Variants in SYBU observed in about 807,000 individuals in gnomAD.
SYBU encodes the protein GOLSYN A protein.
In SYBU, 21 loss-of-function variants were observed where a neutral mutation model predicts 35.9. That is an observed-to-expected ratio of 0.58 (90% confidence interval 0.41 to 0.84). SYBU has a LOEUF of 0.84. Among genes scored for constraint, SYBU ranks in the 40% least tolerant of loss-of-function variants. SYBU has a pLI of 0.00. For missense variants in SYBU, 768 were observed against 848.2 expected (o/e 0.91, Z 1.17); for synonymous variants, 319 against 324.3 (o/e 0.98, Z 0.18).
intron 1 of SYBU, among the ~76,000 whole-genome samples, chr8:109,667,989 C>A (rs989254260): frequency 1.3e-5 from 2 of 151,978 alleles, no homozygotes; most frequent in Non-Finnish European, 2.9e-5. Context: ...TGAGAGCTGG[C>A]GTGACACCAC....
At position 109,576,846 on chromosome 8, in the gene SYBU, T is replaced by C. The variant is rs111475123; in HGVS notation, c.885-833A>G. Among the ~76,000 whole-genome samples, 1,133 of 152,342 alleles carry C rather than the reference T, an allele frequency of 7.4e-3. 4 individuals are homozygous for C. Among genetic ancestry groups the C allele is most frequent in the Middle Eastern group, 0.014 (4 of 294 alleles). On this transcript the variant is annotated intron_variant, in intron 6 of 6. Transcript: ENST00000276646. ...AGATAGGGTAGTCAGGATCCTCATATATATGAAGAGACATCAATATTGCTC... is the reference window on the plus strand; with the variant it reads ...AGATAGGGTAGTCAGGATCCTCATACATATGAAGAGACATCAATATTGCTC...
intron 1 of SYBU, among the ~76,000 whole-genome samples, chr8:109,658,774 T>G (rs1816451019): frequency 6.6e-6 from 1 of 152,026 alleles, no homozygotes; most frequent in African/African-American, 2.4e-5. Context: ...ACCAACAGGG[T>G]GAAACCCCAT....
intron 3 of SYBU, among the ~76,000 whole-genome samples, chr8:109,597,789 C>A (rs541774955): frequency 6.6e-6 from 1 of 152,294 alleles, no homozygotes; most frequent in Non-Finnish European, 1.5e-5. Context: ...GTAAAAATTT[C>A]TATCTTTTGA....
chr8:109,616,115 A>G (rs2844248), intron 3 of SYBU, among the ~76,000 whole-genome samples: 44,600 of 147,626 alleles, frequency 0.3, 7,555 homozygotes, highest in African/African-American at 0.45. Context: ...GGGTTCAAGC[A>G]ATTCTCCTGC....
rs960646957 is a variant in SYBU, at chr8:109,618,892, A to T, written c.377T>A (p.Ile126Asn). ...CTIGMVGEGSIQSSRYKKESK... is the reference protein window; with the variant it reads ...CTIGMVGEGSNQSSRYKKESK... Reference sequence around the variant, plus strand: ...TTCCTTCTTATATCGAGAGGACTGAATGCTTCCTTCACCAACCATTCCAAT... The same window carrying T: ...TTCCTTCTTATATCGAGAGGACTGATTGCTTCCTTCACCAACCATTCCAAT... The change falls in exon 3 of 7, where the codon ATT becomes AAT. Residue 126 changes from isoleucine (I) to asparagine (N), a missense_variant. Ile to Asn is a moderately radical substitution (Grantham distance 149, BLOSUM62 -3). Coordinates refer to ENST00000276646, the MANE Select transcript of SYBU (RefSeq NM_001099754.2). 1.7e-5 allele frequency: 27 copies of T among 1,614,066 alleles called. No individual in the cohort carries two copies. The highest frequency in any genetic ancestry group is 2.1e-5 in the Non-Finnish European group (25 of 1,180,034).
intron 3 of SYBU, among the ~76,000 whole-genome samples, chr8:109,596,503 C>G (rs1160627978): frequency 6.6e-6 from 1 of 152,206 alleles, no homozygotes; most frequent in African/African-American, 2.4e-5. Flanking sequence ...CTTGCGTTCA[C>G]TTTTACAAAG....
chr8:109,688,379 T>C (rs1817567145), intron 1 of SYBU, among the ~76,000 whole-genome samples: 1 of 152,214 alleles, frequency 6.6e-6, no homozygotes, highest in South Asian at 2.1e-4. Flanking sequence ...CAGAAGTGTG[T>C]ACACAGGAAC....
chr8:109,650,162 T>C (rs1050410328), intron 1 of SYBU, among the ~76,000 whole-genome samples: 2 of 152,018 alleles, frequency 1.3e-5, no homozygotes, highest in Non-Finnish European at 2.9e-5. Context: ...GGCTGGAGGC[T>C]CTGAGGGGTT....
upstream of SYBU, among the ~76,000 whole-genome samples, chr8:109,681,727 G>A (rs542021116): frequency 3.9e-5 from 6 of 152,256 alleles, no homozygotes; most frequent in African/African-American, 1.4e-4. Flanking sequence ...GGACTGGAAA[G>A]CATATCAATA....
intron 3 of SYBU, among the ~76,000 whole-genome samples, chr8:109,597,238 C>A (rs1042972322): frequency 1.3e-5 from 2 of 152,162 alleles, no homozygotes; most frequent in African/African-American, 4.8e-5. Flanking sequence ...GAGGGAGAAA[C>A]CTCTTGTCCC....
chr8:109,642,828 T>G lies in SYBU; in HGVS notation c.129A>C (p.Pro43=). Residue 43 remains proline (P), a synonymous_variant, in exon 2 of 7, where the codon CCA becomes CCC. Transcript: ENST00000276646. ...HMPQQQHKVS[P]ASESPFSEEE... ...CCTCAGAGAAAGGAGACTCAGAGGC[T>G]GGGGACACTTTGTGCTGTTGTTGGG... The G allele has an allele frequency of 6.2e-7, 1 of 1,613,336 alleles. No homozygotes were observed. Among genetic ancestry groups the G allele is most frequent in the Non-Finnish European group, 8.5e-7 (1 of 1,179,642 alleles).
intron 5 of SYBU, among the ~76,000 whole-genome samples, chr8:109,578,246 G>A (rs1334964109): frequency 2.6e-5 from 4 of 152,164 alleles, no homozygotes; most frequent in African/African-American, 9.7e-5. Context: ...ACCCCAGAGA[G>A]CTTTCTAGCT....
upstream of SYBU, among the ~76,000 whole-genome samples, chr8:109,648,258 C>T (rs866732552): frequency 7.3e-6 from 1 of 136,902 alleles, no homozygotes; most frequent in African/African-American, 3.0e-5. Flanking sequence ...TATATATATA[C>T]AATAATATAT....
At chr8:109,632,309 G>A (rs1813714613) in intron 2 of SYBU, among the ~76,000 whole-genome samples, 1 of 152,122 alleles carries the variant, frequency 6.6e-6, no homozygotes, top group African/African-American at 2.4e-5. Context: ...CCAAAGTGCT[G>A]GGATTACAGG....
chr8:109,661,488 G>A (rs908256584), intron 1 of SYBU, among the ~76,000 whole-genome samples: 1 of 152,160 alleles, frequency 6.6e-6, no homozygotes, highest in African/African-American at 2.4e-5. Flanking sequence ...TTCATTCACA[G>A]GGTATTGTAG....
intron 1 of SYBU, among the ~76,000 whole-genome samples, chr8:109,687,318 T>C (rs1817543259): frequency 6.6e-6 from 1 of 152,154 alleles, no homozygotes; most frequent in South Asian, 2.1e-4. Flanking sequence ...AAAATAAAAC[T>C]TGGCAAAAGA....
At chr8:109,615,475 C>T (rs1158851431) in intron 3 of SYBU, among the ~76,000 whole-genome samples, 1 of 152,002 alleles carries the variant, frequency 6.6e-6, no homozygotes, top group Non-Finnish European at 1.5e-5. Flanking sequence ...GTTTTTTCTG[C>T]TAAAAGTTCA....
chr8:109,643,590 C>G (rs1206814453), intron 1 of SYBU: 2 of 154,106 alleles, frequency 1.3e-5, no homozygotes, highest in Non-Finnish European at 2.9e-5. Context: ...TTTTTGTTTT[C>G]CTTACAGGAC....
intron 2 of SYBU, among the ~76,000 whole-genome samples, chr8:109,642,141 C>A (rs1008759601): frequency 1.3e-5 from 2 of 152,182 alleles, no homozygotes; most frequent in African/African-American, 4.8e-5. Flanking sequence ...AGGATGAATT[C>A]ATGTCCTTTG....
Sources: gnomAD v4.1 joint callset for allele counts (sites outside exome capture counted in the v4.1 genomes callset) on GRCh38, gnomAD v4.1.1 for gene constraint, MANE v1.5 for transcripts, NCBI Gene and HGNC (gene_info 2026-07-23, HGNC 2026-07-21) for gene names.